RABGAP1: variants seen among roughly 807,000 people sequenced by gnomAD.
The protein encoded by RABGAP1 is RAB GTPase activating protein 1, also known as rab GTPase-activating protein 1.
RABGAP1 carries 23 observed loss-of-function variants against 137.6 expected under a neutral mutation model. The ratio of observed to expected loss-of-function variants is 0.17; its 90% confidence interval spans 0.12 to 0.24. The LOEUF is 0.24. RABGAP1 is among the 10% of genes least tolerant of loss of function. The probability of loss-of-function intolerance (pLI) is 1.00; values close to 1 mark genes in which losing one functional copy is unlikely to be tolerated. For synonymous variants in RABGAP1, 451 were observed against 450.7 expected, an observed-to-expected ratio of 1.00 and a Z score of -0.01; for missense variants, 906 against 1,275.8, an observed-to-expected ratio of 0.71 and a Z score of 4.42.
chr9:122,997,189 C>A, intron 8 of RABGAP1, 70 bp from the exon 9 acceptor site: 1 of 1,179,568 alleles, frequency 8.5e-7, no homozygotes, highest in Non-Finnish European at 1.2e-6. Context: ...TTTTTAAAGG[C>A]AGCAAGATGG....
At chr9:122,943,862 A>G (rs7040658) in intron 1 of RABGAP1, among the ~76,000 whole-genome samples, 16,415 of 152,032 alleles carry the variant, frequency 0.11, 2,846 homozygotes, top group African/African-American at 0.37. Flanking sequence ...CTGAGGCAGG[A>G]GAATGGCGTG....
At chr9:123,063,293 T>C in intron 13 of RABGAP1, 1 of 152,930 alleles carries the variant, frequency 6.5e-6, no homozygotes, top group Non-Finnish European at 1.5e-5. Context: ...TGTTGTTTTA[T>C]AGAATTCCTA....
At chr9:122,951,165 C>A (rs1834223473) in intron 1 of RABGAP1, among the ~76,000 whole-genome samples, 1 of 152,088 alleles carries the variant, frequency 6.6e-6, no homozygotes, top group Non-Finnish European at 1.5e-5. Flanking sequence ...AGAAGAAAAT[C>A]TCAAGAAAAC....
chr9:122,950,379 T>TTTTTTTTTTTTTTTTTTTTTG (rs1834173979), intron 1 of RABGAP1, among the ~76,000 whole-genome samples: 1 of 137,250 alleles, frequency 7.3e-6, no homozygotes, highest in Non-Finnish European at 1.5e-5. Context: ...TTTTCTTTCT[T>TTTTTTTTTTTTTTTTTTTTTG]TTTTTTTTTT....
intron 13 of RABGAP1, among the ~76,000 whole-genome samples, chr9:123,051,439 G>T (rs1002269247): frequency 1.1e-4 from 17 of 150,348 alleles, no homozygotes; most frequent in African/African-American, 2.2e-4. Context: ...TAGAGATGGG[G>T]TTTCTCCACG....
Position 122,961,918 on chromosome 9 carries a change from A to T in RABGAP1, c.150+4709A>T, listed in dbSNP as rs148697767. 2.9e-3 allele frequency among the ~76,000 whole-genome samples: 444 copies of T among 152,328 alleles called. 2 individuals carry two copies. Among genetic ancestry groups the T allele is most frequent in the African/African-American group, 0.01 (420 of 41,574 alleles). On this transcript the variant is annotated intron_variant, in intron 2 of 25. Coordinates refer to ENST00000373647, the MANE Select transcript of RABGAP1 (RefSeq NM_012197.4). ...TAACTCCATATAGTAACTCAAATTCATAAGAATAAATGAAGAAAACCAGAA... is the reference window on the plus strand; with the variant it reads ...TAACTCCATATAGTAACTCAAATTCTTAAGAATAAATGAAGAAAACCAGAA...
At chr9:122,965,848 A>C (rs1835119030) in intron 2 of RABGAP1, among the ~76,000 whole-genome samples, 1 of 152,242 alleles carries the variant, frequency 6.6e-6, no homozygotes, top group Non-Finnish European at 1.5e-5. Context: ...CTGGACAATT[A>C]GCGGGAAAGG....
chr9:123,044,469 T>C (rs1434424009), intron 13 of RABGAP1, among the ~76,000 whole-genome samples: 4 of 152,188 alleles, frequency 2.6e-5, no homozygotes, highest in African/African-American at 9.7e-5. Flanking sequence ...CTTTAAGACC[T>C]TTTTGGTTTC....
chr9:122,939,166 A>G (rs1164471224), upstream of RABGAP1: 1 of 152,176 alleles, frequency 6.6e-6, no homozygotes, highest in Non-Finnish European at 1.5e-5. Context: ...AGAAAATGTG[A>G]ATGTGATCTA....
At chr9:122,995,242 G>A (rs1836954808) in intron 6 of RABGAP1, among the ~76,000 whole-genome samples, 1 of 152,176 alleles carries the variant, frequency 6.6e-6, no homozygotes, top group African/African-American at 2.4e-5. Flanking sequence ...TAAGGGAAGT[G>A]TTGGACAACA....
At chr9:122,969,647 T>TA (rs529931499) in intron 2 of RABGAP1, among the ~76,000 whole-genome samples, 85 of 146,504 alleles carry the variant, frequency 5.8e-4, no homozygotes, top group South Asian at 2.6e-3. Context: ...CAAAATGACT[T>TA]AAAAAAAAAA....
At chr9:123,055,798 C>T (rs1036754855) in intron 13 of RABGAP1, among the ~76,000 whole-genome samples, 2 of 152,094 alleles carry the variant, frequency 1.3e-5, no homozygotes, top group Admixed American at 6.5e-5. Flanking sequence ...GATCCGACCA[C>T]CTTTGGCCTC....
intron 13 of RABGAP1, among the ~76,000 whole-genome samples, chr9:123,036,578 G>A (rs111922224): frequency 5.7e-4 from 86 of 152,132 alleles, no homozygotes; most frequent in African/African-American, 2.0e-3. Flanking sequence ...GAAGGGTGTC[G>A]GTCATAAGCA....
chr9:122,941,660 C>G (rs1028872545), intron 1 of RABGAP1, among the ~76,000 whole-genome samples: 4 of 152,248 alleles, frequency 2.6e-5, no homozygotes, highest in African/African-American at 9.6e-5. Flanking sequence ...GCGTTCTTGG[C>G]ATCCCAGTCT....
chr9:122,942,178 C>G (rs980579699), intron 1 of RABGAP1, among the ~76,000 whole-genome samples: 6 of 151,598 alleles, frequency 4.0e-5, no homozygotes, highest in African/African-American at 1.5e-4. Context: ...CAAAACAAAA[C>G]AAAACAAAAA....
chr9:123,092,182 A>G (rs1311517175), intron 21 of RABGAP1, among the ~76,000 whole-genome samples: 1 of 152,236 alleles, frequency 6.6e-6, no homozygotes, highest in African/African-American at 2.4e-5. Context: ...CCCAGTATTA[A>G]CAGTGACACC....
At chr9:123,018,042 G>A (rs749223083) in intron 12 of RABGAP1, among the ~76,000 whole-genome samples, 2 of 152,160 alleles carry the variant, frequency 1.3e-5, no homozygotes, top group Non-Finnish European at 2.9e-5. Context: ...CGCCCAGGCT[G>A]GAGTGCAGTG....
rs2035445352 is a variant in RABGAP1 at position 123,104,569 on chromosome 9, G to C, written c.*1356G>C. The C allele has an allele frequency of 1.3e-5, 2 of 152,504 alleles. No homozygotes were observed. Among genetic ancestry groups the C allele is most frequent in the Non-Finnish European group, 2.9e-5 (2 of 68,036 alleles). 9.4% of individuals were successfully genotyped at this position (152,504 alleles called of 1,614,324 possible). A position where few individuals can be genotyped will look rare whatever the true frequency, so the allele number is the denominator to read the frequency against. ...TATATAAAGACACTCGGGTTGTTTT[G>C]TAGCTCTTTTTCTTATTGGCTGTAC... On this transcript the variant is annotated 3_prime_UTR_variant, in exon 26 of 26. Transcript: ENST00000373647.
intron 19 of RABGAP1, among the ~76,000 whole-genome samples, chr9:123,084,870 C>T (rs758095528): frequency 4.6e-5 from 7 of 152,138 alleles, no homozygotes; most frequent in Non-Finnish European, 1.0e-4. Flanking sequence ...GGCAGCTTGC[C>T]CTTGGTCACA....
Sources: gnomAD v4.1 joint callset for allele counts (sites outside exome capture counted in the v4.1 genomes callset) on GRCh38, gnomAD v4.1.1 for gene constraint, MANE v1.5 for transcripts, NCBI Gene and HGNC (gene_info 2026-07-23, HGNC 2026-07-21) for gene names.